The following PIGG variants were observed in gnomAD, a reference collection of about 807,000 sequenced individuals.
PIGG encodes phosphatidylinositol glycan anchor biosynthesis class G (EMM blood group).
A neutral mutation model predicts 83.2 loss-of-function variants in PIGG; 70 were observed. The observed-to-expected ratio is 0.84, with a 90% confidence interval of 0.69 to 1.03. The LOEUF is 1.03. Among genes scored for constraint, PIGG ranks in the 50% least tolerant of loss-of-function variants. PIGG has a pLI of 0.00. For synonymous variants in PIGG, 532 were observed against 519.5 expected (o/e 1.02, Z -0.33); for missense variants, 1,257 against 1,233.6 (o/e 1.02, Z -0.28).
intron 12 of PIGG, among the ~76,000 whole-genome samples, chr4:538,819 G>T (rs10212708): frequency 0.024 from 3,644 of 152,208 alleles, 158 homozygotes; most frequent in African/African-American, 0.084. Context: ...GGTGTGTGTG[G>T]GGGGGGACAT....
At chr4:527,272 T>C in intron 10 of PIGG, 42 bp downstream of exon 10, 2 of 1,526,798 alleles carry the variant, frequency 1.3e-6, no homozygotes, top group Non-Finnish European at 1.8e-6. Context: ...GCCACTTTAC[T>C]GTTTGAAGAA....
intron 8 of PIGG, 150 bp downstream of exon 8, chr4:522,091 A>G (rs1726131048): frequency 1.3e-6 from 1 of 790,338 alleles, no homozygotes. Context: ...GCCTCAGGGA[A>G]GGACGTGGAG....
Position 528,693 on chromosome 4 carries a change from G to A in PIGG, c.2261+1463G>A. ...TTTGCGGGTGTGTGTTTAAGGTGCA[G>A]CGTATGAATAAATTCATTTCCTCAC... is the stretch of plus-strand genomic sequence containing the variant. On this transcript the variant is annotated intron_variant, in intron 10 of 12. Transcript: ENST00000453061. The surrounding 1 kb of genome is among the most constrained non-coding windows in gnomAD (Gnocchi z 4.8). 1 of 985,336 alleles carries A rather than the reference G, an allele frequency of 1.0e-6. No individual in the cohort carries two copies. Among genetic ancestry groups the A allele is most frequent in the Non-Finnish European group, 1.2e-6 (1 of 829,870 alleles). The allele number at this position is 985,336 out of a possible 1,614,324, so 61.0% of individuals were successfully genotyped here.
intron 10 of PIGG, among the ~76,000 whole-genome samples, chr4:529,759 AGT>A (rs1444813879): frequency 6.6e-6 from 1 of 152,188 alleles, no homozygotes; most frequent in Admixed American, 6.5e-5. Context: ...GACTTTGTGA[AGT>A]GTAGAACCAT....
chr4:505,895 A>G lies in PIGG; in HGVS notation c.538A>G (p.Thr180Ala). Reference protein sequence around the residue: ...FPKHFVEYDGTTSFFVSDYTE... With the variant: ...FPKHFVEYDGATSFFVSDYTE... ...AAAGCATTTTGTGGAATATGATGGA[A>G]CAACCTCATTTTTCGTGTCAGATTA... The change falls in exon 3 of 13, where the codon ACA becomes GCA. Residue 180 changes from threonine to alanine, a missense_variant. Coordinates refer to ENST00000453061, the MANE Select transcript of PIGG (RefSeq NM_001127178.3). The G allele has an allele frequency of 2.5e-6, 4 of 1,613,074 alleles. No individual in the cohort carries two copies. The highest frequency in any genetic ancestry group is 3.4e-6 in the Non-Finnish European group (4 of 1,179,744).
At chr4:500,996 A>G (rs953889148) in intron 2 of PIGG, 2 of 396,046 alleles carry the variant, frequency 5.0e-6, no homozygotes, top group African/African-American at 4.2e-5. Flanking sequence ...GCAAACTCAG[A>G]TAAGTTAAAT....
intron 6 of PIGG, among the ~76,000 whole-genome samples, chr4:517,379 G>A (rs1048359727): frequency 2.0e-5 from 3 of 152,244 alleles, no homozygotes; most frequent in South Asian, 2.1e-4. Flanking sequence ...TATTGGGTAC[G>A]AGCAGACCAG....
chr4:499,880 G>A (rs1716951827), intron 1 of PIGG: 1 of 302,706 alleles, frequency 3.3e-6, no homozygotes, highest in African/African-American at 2.2e-5. Context: ...ATCCCCTCGC[G>A]TTTTGGTCTC....
Position 527,522 on chromosome 4 carries a change from G to A in PIGG, c.2261+292G>A, listed in dbSNP as rs796424467. 1.2e-5 allele frequency: 14 copies of A among 1,152,224 alleles called. No individual in the cohort carries two copies. The Admixed American group carries it at 1.7e-4, about 14-fold the overall frequency. 71.4% of individuals were successfully genotyped at this position (1,152,224 alleles called of 1,614,324 possible). A position where few individuals can be genotyped will look rare whatever the true frequency, so the allele number is the denominator to read the frequency against. On this transcript the variant is annotated intron_variant, in intron 10 of 12. Transcript: ENST00000453061. ...TTTAAATTTAAAATAAAACCTTCAGGGTGTGTGATGGGACAGACAGATGAG... is the reference window on the plus strand; with the variant it reads ...TTTAAATTTAAAATAAAACCTTCAGAGTGTGTGATGGGACAGACAGATGAG...
chr4:515,710 C>T lies in PIGG; in HGVS notation c.902-263C>T, dbSNP rs577083059. Among the ~76,000 whole-genome samples, 8 of 152,330 alleles carry T rather than the reference C, an allele frequency of 5.3e-5. No individual in the cohort carries two copies. Among genetic ancestry groups the T allele is most frequent in the South Asian group, 2.1e-4 (1 of 4,828 alleles). On this transcript the variant is annotated intron_variant, in intron 5 of 12. Transcript: ENST00000453061. The surrounding 1 kb of genome is among the most constrained non-coding windows in gnomAD (Gnocchi z 4.2). ...TGTGTTCAGCCCATGCTCCGTAGCC[C>T]TTACTGTATGGAATTCCTCACATGA...
intron 8 of PIGG, chr4:522,257 AG>A (rs1466559371): frequency 1.7e-6 from 1 of 572,150 alleles, no homozygotes; most frequent in East Asian, 2.9e-5. Flanking sequence ...CCCCCCGCTG[AG>A]GGGGTGTGTG....
At chr4:525,343 T>C (rs1013914771) in intron 9 of PIGG, 18 of 985,278 alleles carry the variant, frequency 1.8e-5, no homozygotes, top group African/African-American at 3.5e-5. Context: ...TGTCTGGCAG[T>C]GAAGACTTAG....
intron 12 of PIGG, among the ~76,000 whole-genome samples, chr4:535,153 G>C (rs1730167922): frequency 1.3e-5 from 2 of 152,246 alleles, no homozygotes; most frequent in African/African-American, 4.8e-5. Context: ...TGTGGCGGGG[G>C]TGGGTGATTC....
intron 2 of PIGG, chr4:501,459 C>A: frequency 3.4e-6 from 1 of 292,708 alleles, no homozygotes; most frequent in South Asian, 3.0e-5. Context: ...CAGAAAGGAG[C>A]AGAGGGGTTG....
At chr4:507,705 G>C (rs1388224822) in intron 4 of PIGG, 112 bp downstream of exon 4, 9 of 932,258 alleles carry the variant, frequency 9.7e-6, no homozygotes, top group Non-Finnish European at 1.5e-5. Context: ...TCCACCATCA[G>C]TCTGCTAGCC....
chr4:506,534 T>C (rs1002961123), intron 3 of PIGG, among the ~76,000 whole-genome samples: 1 of 152,238 alleles, frequency 6.6e-6, no homozygotes, highest in African/African-American at 2.4e-5. Flanking sequence ...ATGGAGCATC[T>C]GTAGTCCTAT....
chr4:521,109 A>T lies in PIGG; in HGVS notation c.1168A>T (p.Arg390Ter). 1 of 1,614,204 alleles carries T rather than the reference A, an allele frequency of 6.2e-7. No individual in the cohort carries two copies. Among genetic ancestry groups the T allele is most frequent in the Non-Finnish European group, 8.5e-7 (1 of 1,180,002 alleles). Residue 390 changes from arginine to a stop codon, truncating the protein, a stop_gained, in exon 7 of 13, where the codon AGA becomes TGA. Coordinates refer to ENST00000453061, the MANE Select transcript of PIGG (RefSeq NM_001127178.3). LOFTEE classifies it high-confidence loss of function. ...MSERLHGNWIRLYLEEKHSEV... is the reference protein window; with the variant it reads ...MSERLHGNWI ...AGAAAGATTGCATGGGAACTGGATC[A>T]GACTGTACTTGGAGGAAAAGCATTC...
intron 12 of PIGG, among the ~76,000 whole-genome samples, chr4:535,032 A>T (rs1320743557): frequency 6.6e-6 from 1 of 152,130 alleles, no homozygotes. Context: ...TCCTCATCGT[A>T]TGTTTCTTGC....
chr4:513,170 G>A (rs1722774890), intron 5 of PIGG, among the ~76,000 whole-genome samples: 1 of 152,204 alleles, frequency 6.6e-6, no homozygotes, highest in South Asian at 2.1e-4. Flanking sequence ...AATTTCCAGA[G>A]ACTGTGAATG....
Sources: allele counts gnomAD v4.1 joint callset (sites outside exome capture counted in the v4.1 genomes callset), GRCh38; gene constraint gnomAD v4.1.1; non-coding constraint Gnocchi (gnomAD v3.1); transcripts MANE v1.5; gene names NCBI Gene and HGNC (gene_info 2026-07-23, HGNC 2026-07-21).